PCDHGB4: variants seen among roughly 807,000 people sequenced by gnomAD.
The protein encoded by PCDHGB4 is protocadherin gamma-B4.
PCDHGB4 carries 38 observed loss-of-function variants against 60.5 expected under a neutral mutation model. That is an observed-to-expected ratio of 0.63 (90% CI 0.48 to 0.82). The LOEUF (loss-of-function observed/expected upper bound fraction) is 0.82. Ranked by LOEUF, PCDHGB4 falls within the 40% of genes least tolerant of loss-of-function variation. The probability of loss-of-function intolerance (pLI) is 0.00; values close to 1 mark genes in which losing one functional copy is unlikely to be tolerated. For synonymous variants in PCDHGB4, 456 were observed against 509.7 expected (o/e 0.89, Z 1.42); for missense variants, 1,109 against 1,209.6 (o/e 0.92, Z 1.23).
chr5:141,404,142 C>CAGA (rs781433913), intron 1 of PCDHGB4: 9 of 1,612,668 alleles, frequency 5.6e-6, no homozygotes, highest in Non-Finnish European at 6.8e-6. Flanking sequence ...TTAGAAAATT[C>CAGA]AGAAGAAGAT....
intron 1 of PCDHGB4, chr5:141,410,388 C>G (rs1312753736): frequency 6.2e-7 from 1 of 1,613,962 alleles, no homozygotes; most frequent in African/African-American, 1.3e-5. Flanking sequence ...TGCTTCCATC[C>G]TGGTCTCTGT....
At chr5:141,403,860 C>A (rs201458472) in intron 1 of PCDHGB4, 1 of 1,613,382 alleles carries the variant, frequency 6.2e-7, no homozygotes, top group Non-Finnish European at 8.5e-7. Flanking sequence ...GAAATATCAA[C>A]AGCAAAAAGT....
chr5:141,401,345 A>G (rs1233985725), intron 1 of PCDHGB4, among the ~76,000 whole-genome samples: 4 of 152,216 alleles, frequency 2.6e-5, no homozygotes, highest in Non-Finnish European at 4.4e-5. Context: ...TCCATCTCAA[A>G]AAAAAGGAAG....
At chr5:141,395,174 AAATGATT>A in intron 1 of PCDHGB4, 1 of 1,614,220 alleles carries the variant, frequency 6.2e-7, no homozygotes, top group Non-Finnish European at 8.5e-7. Flanking sequence ...GCTGTGAGAA[AAATGATT>A]CTTTGTTAAC....
At chr5:141,419,246 GAAAACAACCAGCC>G (rs749331717) in intron 1 of PCDHGB4, 1 of 1,614,004 alleles carries the variant, frequency 6.2e-7, no homozygotes, top group South Asian at 1.1e-5. Flanking sequence ...CCACGTGCCA[GAAAACAACCAGCC>G]GGGTGCCTCC....
chr5:141,490,346 TG>T lies in PCDHGB4; in HGVS notation c.2398-4457del, dbSNP rs1458588422. ...GAGAGCACACCAGTGGGCACAGTAG[TG>T]GGGTTGTTTAATGTGCGAGACCGGG... On this transcript the variant is annotated intron_variant, in intron 1 of 3. Coordinates refer to ENST00000519479, the MANE Select transcript of PCDHGB4 (RefSeq NM_003736.4). The surrounding 1 kb of genome is among the most constrained non-coding windows in gnomAD (Gnocchi z 5.4). 1.2e-6 allele frequency: 2 copies of T among 1,614,164 alleles called. No individual in the cohort carries two copies. The highest frequency in any genetic ancestry group is 3.3e-5 in the Admixed American group (2 of 60,032).
intron 1 of PCDHGB4, among the ~76,000 whole-genome samples, chr5:141,447,652 C>T (rs901761789): frequency 6.6e-6 from 1 of 151,972 alleles, no homozygotes; most frequent in African/African-American, 2.4e-5. Context: ...TAGAATTTTC[C>T]CCCCCAGGAA....
At position 141,476,105 on chromosome 5, in the gene PCDHGB4, C is replaced by T; in HGVS notation, c.2398-18702C>T. ...ATCTGGACCCCGCTGAGAGGAACTG[C>T]TTTTGAGTGAGATGGTCCCAGAGGC... On this transcript the variant is annotated intron_variant, in intron 1 of 3. Coordinates refer to ENST00000519479, the MANE Select transcript of PCDHGB4 (RefSeq NM_003736.4). This position sits in a 1 kb window ranked among gnomAD's most constrained non-coding sequence, Gnocchi z 7.6. 2.5e-6 allele frequency: 4 copies of T among 1,585,450 alleles called. No homozygotes were observed. The highest frequency in any genetic ancestry group is 3.4e-6 in the Non-Finnish European group (4 of 1,168,874).
At position 141,410,085 on chromosome 5, in the gene PCDHGB4, C is replaced by G; in HGVS notation, c.2397+19804C>G. 3 of 1,612,476 alleles carry G rather than the reference C, an allele frequency of 1.9e-6. No homozygotes were observed. In the South Asian group the frequency reaches 3.3e-5, roughly 18 times the overall value. On this transcript the variant is annotated intron_variant, in intron 1 of 3. Transcript: ENST00000519479. Reference sequence around the variant, plus strand: ...GGGCTGCGCACTGGGGAGGTGCGCACGGCTCGAGCCTTAGGCGACAGGGAC... The same window carrying G: ...GGGCTGCGCACTGGGGAGGTGCGCAGGGCTCGAGCCTTAGGCGACAGGGAC...
chr5:141,460,455 A>AT (rs2098989699), intron 1 of PCDHGB4, among the ~76,000 whole-genome samples: 1 of 152,080 alleles, frequency 6.6e-6, no homozygotes, highest in Non-Finnish European at 1.5e-5. Flanking sequence ...GAAGATTCAT[A>AT]TTTTTTTCCA....
rs2096651086 is a variant in PCDHGB4 at position 141,422,486 on chromosome 5, A to G, written c.2397+32205A>G. Reference sequence around the variant, plus strand: ...GACAGGGAGTTGGTCCAGAGCTACAATATAACGTTGACAGCCACAGACCAG... The same window carrying G: ...GACAGGGAGTTGGTCCAGAGCTACAGTATAACGTTGACAGCCACAGACCAG... On this transcript the variant is annotated intron_variant, in intron 1 of 3. Coordinates refer to ENST00000519479, the MANE Select transcript of PCDHGB4 (RefSeq NM_003736.4). The G allele has an allele frequency of 1.2e-6, 2 of 1,613,852 alleles. No individual in the cohort carries two copies. The highest frequency in any genetic ancestry group is 1.3e-5 in the African/African-American group (1 of 74,924).
chr5:141,419,894 C>G, intron 1 of PCDHGB4: 1 of 1,613,926 alleles, frequency 6.2e-7, no homozygotes, highest in Non-Finnish European at 8.5e-7. Flanking sequence ...CAGCGACCAT[C>G]CCACACCCTC....
intron 1 of PCDHGB4, among the ~76,000 whole-genome samples, chr5:141,456,902 G>A (rs886945444): frequency 6.6e-6 from 1 of 152,294 alleles, no homozygotes; most frequent in South Asian, 2.1e-4. Flanking sequence ...GGCAGAGGTT[G>A]CAGTGAGCCG....
At chr5:141,444,834 A>G (rs892892307) in intron 1 of PCDHGB4, among the ~76,000 whole-genome samples, 1 of 152,132 alleles carries the variant, frequency 6.6e-6, no homozygotes, top group African/African-American at 2.4e-5. Context: ...TTGTAGCTTT[A>G]TAGTAAGTCT....
chr5:141,395,391 A>G, intron 1 of PCDHGB4: 2 of 944,730 alleles, frequency 2.1e-6, no homozygotes, highest in Non-Finnish European at 3.1e-6. Flanking sequence ...ATAAAATTGA[A>G]CTCTAATAGT....
At chr5:141,403,121 C>G in intron 1 of PCDHGB4, 1 of 1,614,046 alleles carries the variant, frequency 6.2e-7, no homozygotes, top group South Asian at 1.1e-5. Flanking sequence ...TCTGGAGCCC[C>G]GGGAGCTGGC....
chr5:141,483,779 A>G (rs1259583177), intron 1 of PCDHGB4, among the ~76,000 whole-genome samples: 2 of 152,146 alleles, frequency 1.3e-5, no homozygotes, highest in Non-Finnish European at 2.9e-5. Context: ...TTGGGGAAGG[A>G]TAAGAACTCC....
At chr5:141,470,825 C>G (rs557419577) in intron 1 of PCDHGB4, among the ~76,000 whole-genome samples, 24 of 152,182 alleles carry the variant, frequency 1.6e-4, no homozygotes, top group African/African-American at 4.1e-4. Context: ...GTAGTTAGGA[C>G]GACAAACACA....
chr5:141,413,442 C>T, intron 1 of PCDHGB4: 5 of 1,614,090 alleles, frequency 3.1e-6, no homozygotes, highest in Non-Finnish European at 8.5e-7. Flanking sequence ...GCAGCTTGAT[C>T]ACCGCGGGCA....
Sources: gnomAD v4.1 joint callset for allele counts (sites outside exome capture counted in the v4.1 genomes callset) on GRCh38, gnomAD v4.1.1 for gene constraint, Gnocchi (gnomAD v3.1) non-coding constraint, MANE v1.5 for transcripts, NCBI Gene and HGNC (gene_info 2026-07-23, HGNC 2026-07-21) for gene names.